FGF1: variants seen among roughly 807,000 people sequenced by gnomAD.
The protein encoded by FGF1 is fibroblast growth factor 1, also known as beta-endothelial cell growth factor.
In FGF1, 9 loss-of-function variants were observed where a neutral mutation model predicts 13.4. That is an observed-to-expected ratio of 0.67 (90% CI 0.40 to 1.17). FGF1 has a LOEUF of 1.17. FGF1 is among the 50% of genes most tolerant of loss of function. The probability of loss-of-function intolerance (pLI) is 0.01; values close to 1 mark genes in which losing one functional copy is unlikely to be tolerated. For missense variants in FGF1, 156 were observed against 192.7 expected, an observed-to-expected ratio of 0.81 and a Z score of 1.13; for synonymous variants, 93 against 79.0, an observed-to-expected ratio of 1.18 and a Z score of -0.94.
At chr5:142,642,114 C>T (rs996551702) in intron 1 of FGF1, among the ~76,000 whole-genome samples, 3 of 152,114 alleles carry the variant, frequency 2.0e-5, no homozygotes, top group Non-Finnish European at 4.4e-5. Context: ...TTAAGAGAAC[C>T]CTCTTCTAGG....
chr5:142,649,654 A>G (rs1007010210), intron 1 of FGF1, among the ~76,000 whole-genome samples: 1 of 151,188 alleles, frequency 6.6e-6, no homozygotes, highest in Non-Finnish European at 1.5e-5. Context: ...TGATCCGCCC[A>G]CCTCAGCCTC....
intron 1 of FGF1, among the ~76,000 whole-genome samples, chr5:142,629,360 C>T (rs114181135): frequency 0.13 from 20,222 of 152,094 alleles, 1,628 homozygotes; most frequent in Non-Finnish European, 0.17. Context: ...GACAAGGTCT[C>T]GCTATGTTGC....
At position 142,594,706 on chromosome 5, in the gene FGF1, G is replaced by A. The variant is rs1473035753; in HGVS notation, c.*584C>T. The A allele has an allele frequency of 6.6e-6, 1 of 152,238 alleles. No homozygotes were observed. Among genetic ancestry groups the A allele is most frequent in the African/African-American group, 2.4e-5 (1 of 41,412 alleles). 9.4% of individuals were successfully genotyped at this position (152,238 alleles called of 1,614,324 possible). ...CTCCCTTTCTTCATTTATTCTACAT[G>A]GAGATGCCATCCTTCTAAGTTACCC... is the stretch of plus-strand genomic sequence containing the variant. On this transcript the variant is annotated 3_prime_UTR_variant, in exon 4 of 4. Coordinates refer to ENST00000337706, the MANE Select transcript of FGF1 (RefSeq NM_000800.5).
At chr5:142,658,689 G>A (rs967867851) in intron 1 of FGF1, among the ~76,000 whole-genome samples, 3 of 152,104 alleles carry the variant, frequency 2.0e-5, no homozygotes, top group Admixed American at 6.5e-5. Flanking sequence ...TATTTCCTTC[G>A]GTATCAAGGA....
chr5:142,665,601 C>T (rs1008138489), intron 1 of FGF1, among the ~76,000 whole-genome samples: 3 of 152,166 alleles, frequency 2.0e-5, no homozygotes, highest in Admixed American at 2.0e-4. Flanking sequence ...ATTCCCTCAA[C>T]ACTCAGTGAC....
chr5:142,601,748 C>G (rs1352572463), intron 2 of FGF1, among the ~76,000 whole-genome samples: 1 of 152,084 alleles, frequency 6.6e-6, no homozygotes, highest in Non-Finnish European at 1.5e-5. Flanking sequence ...GGTTGAGAAA[C>G]CTGGAGATGG....
intron 1 of FGF1, among the ~76,000 whole-genome samples, chr5:142,645,639 C>G (rs1384494688): frequency 2.0e-5 from 3 of 152,180 alleles, no homozygotes; most frequent in African/African-American, 4.8e-5. Context: ...TATCACAATG[C>G]CTGGCATGTA....
chr5:142,691,517 C>T (rs1451292758), intron 2 of FGF1, among the ~76,000 whole-genome samples: 13 of 151,978 alleles, frequency 8.6e-5, no homozygotes, highest in Non-Finnish European at 1.9e-4. Context: ...GTCTCCCCTA[C>T]CACATACACT....
intron 1 of FGF1, among the ~76,000 whole-genome samples, chr5:142,660,193 CA>C (rs1411544062): frequency 6.6e-6 from 1 of 152,258 alleles, no homozygotes; most frequent in Non-Finnish European, 1.5e-5. Flanking sequence ...GAGAATTAAA[CA>C]GTCCTGTTAG....
Position 142,694,088 on chromosome 5 carries a change from A to AATCTATCT in FGF1, c.-35+3526_-35+3533dup, listed in dbSNP as rs35496779. Among the ~76,000 whole-genome samples, 596 of 140,608 alleles carry AATCTATCT rather than the reference A, an allele frequency of 4.2e-3. 2 individuals are homozygous for AATCTATCT. The highest frequency in any genetic ancestry group is 0.01 in the Middle Eastern group (3 of 288). The allele number at this position is 140,608 out of a possible 152,430, so 92.2% of individuals were successfully genotyped here. On this transcript the variant is annotated intron_variant, in intron 2 of 4. Coordinates refer to the FGF1 transcript ENST00000407758. ...TTTATCTATATCTCTATCTATCTAT[A>AATCTATCT]ATCTATCTATCTATCTATCTATCTA...
intron 1 of FGF1, among the ~76,000 whole-genome samples, chr5:142,683,697 T>TCCCAA (rs1774146083): frequency 6.6e-6 from 1 of 151,630 alleles, no homozygotes; most frequent in East Asian, 1.9e-4. Context: ...GCCGCACACC[T>TCCCAA]GTAATCCCAG....
At chr5:142,692,361 C>A (rs1388147474) in intron 2 of FGF1, among the ~76,000 whole-genome samples, 1 of 152,098 alleles carries the variant, frequency 6.6e-6, no homozygotes, top group African/African-American at 2.4e-5. Flanking sequence ...CAACAACAAA[C>A]TAAAGCTTTA....
chr5:142,660,995 G>C (rs967126991), intron 1 of FGF1, among the ~76,000 whole-genome samples: 1 of 152,200 alleles, frequency 6.6e-6, no homozygotes, highest in East Asian at 1.9e-4. Context: ...TTAAAGGCAG[G>C]ATATGTGGTA....
chr5:142,619,841 A>G (rs2151895120), intron 1 of FGF1, among the ~76,000 whole-genome samples: 1 of 141,154 alleles, frequency 7.1e-6, no homozygotes, highest in East Asian at 2.0e-4. Context: ...CTCAAGAAAA[A>G]CCAAAAAACG....
intron 3 of FGF1, among the ~76,000 whole-genome samples, chr5:142,599,892 A>T (rs1391096947): frequency 1.3e-5 from 2 of 152,242 alleles, no homozygotes; most frequent in Admixed American, 1.3e-4. Context: ...GCACTTAGAC[A>T]CAGGAGACAT....
intron 2 of FGF1, chr5:142,601,139 A>G (rs943924683): frequency 7.7e-6 from 4 of 522,520 alleles, no homozygotes; most frequent in Non-Finnish European, 1.5e-5. Flanking sequence ...AAATAATCAC[A>G]GGAGGAAATG....
intron 3 of FGF1, among the ~76,000 whole-genome samples, chr5:142,595,688 G>A (rs1042953967): frequency 1.3e-5 from 2 of 152,212 alleles, no homozygotes; most frequent in African/African-American, 4.8e-5. Context: ...CTAAAGAGCT[G>A]TCAATATGCA....
intron 1 of FGF1, among the ~76,000 whole-genome samples, chr5:142,634,217 C>A (rs1178240545): frequency 6.6e-6 from 1 of 151,500 alleles, no homozygotes; most frequent in East Asian, 1.9e-4. Flanking sequence ...AAAAAAACTC[C>A]CTCTAGTGAA....
At chr5:142,621,972 G>A (rs1372901583) in intron 1 of FGF1, among the ~76,000 whole-genome samples, 2 of 152,194 alleles carry the variant, frequency 1.3e-5, no homozygotes, top group African/African-American at 4.8e-5. Flanking sequence ...GGTTCCTCCA[G>A]TTCTCATAGG....
Sources: allele counts gnomAD v4.1 joint callset (sites outside exome capture counted in the v4.1 genomes callset), GRCh38; gene constraint gnomAD v4.1.1; transcripts MANE v1.5; gene names NCBI Gene and HGNC (gene_info 2026-07-23, HGNC 2026-07-21).